The following TSC2 variants were observed in gnomAD, a reference collection of about 807,000 sequenced individuals.
The protein encoded by TSC2 is tuberin.
A neutral mutation model predicts 202.2 loss-of-function variants in TSC2; 29 were observed. That is an observed-to-expected ratio of 0.14 (90% CI 0.11 to 0.20). TSC2 has a LOEUF of 0.20. Among genes scored for constraint, TSC2 ranks in the 10% least tolerant of loss-of-function variants. TSC2 has a pLI of 1.00. For missense variants in TSC2, 2,429 were observed against 2,420.0 expected, an observed-to-expected ratio of 1.00 and a Z score of -0.08; for synonymous variants, 1,349 against 1,044.0, an observed-to-expected ratio of 1.29 and a Z score of -5.63.
rs376079104 is a variant in TSC2, at chr16:2,079,689, A to C, written c.3397+20A>C. On this transcript the variant is annotated intron_variant, in intron 29 of 41. Coordinates refer to ENST00000219476, the MANE Select transcript of TSC2 (RefSeq NM_000548.5). This position sits in a 1 kb window ranked among gnomAD's most constrained non-coding sequence, Gnocchi z 4.6. Reference sequence around the variant, plus strand: ...TGTCGGGTGAGCCTTGGCCCCAGCCACCTCCACACAGGCACCGGGGCTCCC... The same window carrying C: ...TGTCGGGTGAGCCTTGGCCCCAGCCCCCTCCACACAGGCACCGGGGCTCCC... 6 of 1,561,438 alleles carry C rather than the reference A, an allele frequency of 3.8e-6. No homozygotes were observed.
rs878854122 is a variant in TSC2 at position 2,058,827 on chromosome 16, A to T, written c.929A>T (p.Tyr310Phe). ...GCTCTCTGGGGAGCCCACCGGCTCT[A>T]TTCTCTCAGGAACTCGCCGACATCT... Reference protein sequence around the residue: ...GMALWGAHRLYSLRNSPTSVL... With the variant: ...GMALWGAHRLFSLRNSPTSVL... The change falls in exon 10 of 42, where the codon TAT becomes TTT. Residue 310 changes from tyrosine (Y) to phenylalanine (F), a missense_variant. Transcript: ENST00000219476. 6 of 1,605,502 alleles carry T rather than the reference A, an allele frequency of 3.7e-6. No homozygotes were observed. The African/African-American group carries it at 6.7e-5, about 18-fold the overall frequency.
chr16:2,060,431 TC>T (rs1042344934), intron 10 of TSC2, among the ~76,000 whole-genome samples: 8 of 152,220 alleles, frequency 5.3e-5, no homozygotes, highest in African/African-American at 1.9e-4. Context: ...TGCTGGTCTG[TC>T]CGAGTCAGGG....
At chr16:2,063,852 GCA>G (rs1020605574) in intron 14 of TSC2, 51 of 333,040 alleles carry the variant, frequency 1.5e-4, no homozygotes, top group Non-Finnish European at 1.9e-4. Context: ...AGCACAGCAC[GCA>G]CACACACGCA....
rs763842281 is a variant in TSC2, at chr16:2,062,963, G to A, written c.1362-9G>A. The A allele has an allele frequency of 1.7e-5, 27 of 1,549,534 alleles. No homozygotes were observed. The highest frequency in any genetic ancestry group is 2.0e-5 in the Admixed American group (1 of 50,984). ...TCCCCACCCGCCCCAGCAGGCTGCC[G>A]TCCCGCAGGAGCGAGTCCCGAGGCG... On this transcript the variant is annotated splice_polypyrimidine_tract_variant and intron_variant, in intron 13 of 41. Transcript: ENST00000219476.
At chr16:2,048,874 C>T (rs1177050930) in intron 2 of TSC2, 121 bp downstream of exon 2, 2 of 1,425,216 alleles carry the variant, frequency 1.4e-6, no homozygotes, top group South Asian at 1.2e-5. Flanking sequence ...GGAATGCTGT[C>T]TCCAGTACTT....
chr16:2,070,172 C>G (rs960113724), intron 16 of TSC2, among the ~76,000 whole-genome samples: 1 of 152,168 alleles, frequency 6.6e-6, no homozygotes, highest in South Asian at 2.1e-4. Context: ...GCACACACTC[C>G]CCGCCCCATT....
chr16:2,073,018 G>A (rs1013621076), intron 21 of TSC2, 35 bp downstream of exon 21: 1 of 1,612,868 alleles, frequency 6.2e-7, no homozygotes, highest in Non-Finnish European at 8.5e-7. Context: ...GAGCTTGATG[G>A]GGCCTGGGAT....
At chr16:2,062,816 G>A (rs1173695264) in intron 13 of TSC2, 156 bp from the exon 14 acceptor site, 21 of 970,194 alleles carry the variant, frequency 2.2e-5, no homozygotes, top group South Asian at 7.3e-5. Context: ...TTCGGGGGTC[G>A]TCTGGAGAGA....
chr16:2,069,694 A>G (rs573764188), intron 16 of TSC2, among the ~76,000 whole-genome samples: 80 of 152,178 alleles, frequency 5.3e-4, no homozygotes, highest in Admixed American at 1.9e-3. Context: ...GTTAGCCAGG[A>G]TGGTCTTGAT....
At chr16:2,084,791 A>T in intron 34 of TSC2, 76 bp downstream of exon 34, 1 of 1,598,180 alleles carries the variant, frequency 6.3e-7, no homozygotes, top group Non-Finnish European at 8.5e-7. Flanking sequence ...CCCCAGGCCG[A>T]GCGGGCTGGG....
chr16:2,077,998 C>T (rs377428763), intron 26 of TSC2, among the ~76,000 whole-genome samples: 27 of 152,348 alleles, frequency 1.8e-4, no homozygotes, highest in African/African-American at 5.1e-4. Flanking sequence ...CAGGCTGTCC[C>T]CAAGGGCCGC....
chr16:2,067,371 A>T (rs2087536787), intron 16 of TSC2, among the ~76,000 whole-genome samples: 1 of 151,656 alleles, frequency 6.6e-6, no homozygotes, highest in Non-Finnish European at 1.5e-5. Context: ...TATGTTGCCC[A>T]GCCTGGCATC....
At chr16:2,054,703 C>T (rs1399227718) in intron 5 of TSC2, 8 of 546,622 alleles carry the variant, frequency 1.5e-5, no homozygotes, top group South Asian at 7.9e-5. Context: ...ACCTCTGCAA[C>T]GGCAGGAGCT....
At chr16:2,087,141 C>T (rs1278204387) in intron 38 of TSC2, 1 of 540,802 alleles carries the variant, frequency 1.8e-6, no homozygotes, top group Non-Finnish European at 3.3e-6. Context: ...GTAGTTGGTG[C>T]TTCCTGTCTG....
chr16:2,071,825 T>A lies in TSC2; in HGVS notation c.1988T>A (p.Leu663His). Residue 663 changes from leucine to histidine, a missense_variant, in exon 19 of 42, where the codon CTT becomes CAT. Coordinates refer to ENST00000219476, the MANE Select transcript of TSC2 (RefSeq NM_000548.5). ...RGSEKKTSGP[L>H]SPPTGPPGPA... ...TCTGAGAAGAAGACCAGCGGCCCCC[T>A]TTCTCCTCCCACAGGGCCTCCTGGC... The A allele has an allele frequency of 6.3e-7, 1 of 1,599,362 alleles. No homozygotes were observed. Among genetic ancestry groups the A allele is most frequent in the Non-Finnish European group, 8.5e-7 (1 of 1,173,698 alleles).
chr16:2,074,606 GCTC>G, intron 22 of TSC2: 1 of 619,960 alleles, frequency 1.6e-6, no homozygotes, highest in Admixed American at 2.6e-5. Flanking sequence ...CCATGTGAAC[GCTC>G]CTCCTTGAAG....
intron 15 of TSC2, 88 bp downstream of exon 15, chr16:2,064,515 G>C (rs763484777): frequency 6.3e-7 from 1 of 1,592,866 alleles, no homozygotes. Flanking sequence ...CCTCCTCTTC[G>C]AGTGACCGGA....
chr16:2,076,011 G>A (rs2151384646), intron 23 of TSC2, 57 bp from the exon 24 acceptor site: 1 of 1,613,196 alleles, frequency 6.2e-7, no homozygotes, highest in East Asian at 2.2e-5. Flanking sequence ...TGCACTTCAT[G>A]CCCTGGGGAT....
rs757751865 is a variant in TSC2, at chr16:2,082,510, G to A, written c.3883+6G>A. ...CAGGAGCGTTTCCTGGGCAGGTATC[G>A]CCTCTCAGAGGGAAGCGGTTGGCTG... On this transcript the variant is annotated splice_donor_region_variant and intron_variant, in intron 32 of 41. Coordinates refer to ENST00000219476, the MANE Select transcript of TSC2 (RefSeq NM_000548.5). 117 of 1,610,732 alleles carry A rather than the reference G, an allele frequency of 7.3e-5. No individual in the cohort carries two copies. The highest frequency in any genetic ancestry group is 2.3e-4 in the Admixed American group (14 of 60,008).
Sources: gnomAD v4.1 joint callset for allele counts (sites outside exome capture counted in the v4.1 genomes callset) on GRCh38, gnomAD v4.1.1 for gene constraint, Gnocchi (gnomAD v3.1) non-coding constraint, MANE v1.5 for transcripts, NCBI Gene and HGNC (gene_info 2026-07-23, HGNC 2026-07-21) for gene names.